MCF2L: variants seen among roughly 807,000 people sequenced by gnomAD.
The protein encoded by MCF2L is guanine nucleotide exchange factor DBS.
A neutral mutation model predicts 153.4 loss-of-function variants in MCF2L; 97 were observed. That is an observed-to-expected ratio of 0.63 (90% confidence interval 0.54 to 0.75). The LOEUF (loss-of-function observed/expected upper bound fraction) is 0.75, where lower values mean the gene tolerates loss of function less well. MCF2L is among the 30% of genes least tolerant of loss of function. MCF2L has a pLI of 0.00. For missense variants in MCF2L, 1,347 were observed against 1,495.2 expected (o/e 0.90, Z 1.64); for synonymous variants, 659 against 632.2 (o/e 1.04, Z -0.64).
intron 1 of MCF2L, among the ~76,000 whole-genome samples, chr13:112,898,250 G>A (rs917937840): frequency 5.3e-5 from 8 of 152,200 alleles, no homozygotes; most frequent in East Asian, 1.9e-4. Flanking sequence ...TGTGGCCGAC[G>A]TAAAGTCCAC....
chr13:112,970,019 C>T (rs2081985322), intron 1 of MCF2L, among the ~76,000 whole-genome samples: 1 of 152,106 alleles, frequency 6.6e-6, no homozygotes, highest in Admixed American at 6.5e-5. Context: ...TTCAAATAAG[C>T]TTTGAAGAGT....
At chr13:113,020,900 ATGTGTGTATG>A (rs1426429077) in intron 2 of MCF2L, among the ~76,000 whole-genome samples, 1 of 128,252 alleles carries the variant, frequency 7.8e-6, no homozygotes, top group Non-Finnish European at 1.7e-5. Flanking sequence ...GTATGTGTAG[ATGTGTGTATG>A]TGTGTGTATG....
At chr13:113,023,493 G>A (rs536871432) in intron 2 of MCF2L, among the ~76,000 whole-genome samples, 1 of 152,150 alleles carries the variant, frequency 6.6e-6, no homozygotes, top group South Asian at 2.1e-4. Flanking sequence ...TGTGGGGGGC[G>A]CAAGGCGGCG....
chr13:113,021,722 G>A (rs374046067), intron 2 of MCF2L, among the ~76,000 whole-genome samples: 17 of 152,336 alleles, frequency 1.1e-4, no homozygotes, highest in East Asian at 3.9e-4. Flanking sequence ...CCAGCTCCGC[G>A]TCCAGCGGTG....
At chr13:113,067,227 T>C (rs1222279145) in intron 8 of MCF2L, among the ~76,000 whole-genome samples, 2 of 149,960 alleles carry the variant, frequency 1.3e-5, no homozygotes, top group Non-Finnish European at 3.0e-5. Context: ...GAGGTCGCAG[T>C]GAGCCGAGAT....
At chr13:112,924,900 G>T (rs2081387595) in intron 2 of MCF2L, among the ~76,000 whole-genome samples, 1 of 152,204 alleles carries the variant, frequency 6.6e-6, no homozygotes, top group Non-Finnish European at 1.5e-5. Context: ...GAATGGAACA[G>T]AATAAAAATC....
chr13:112,985,561 G>T, intron 1 of MCF2L: 2 of 438,898 alleles, frequency 4.6e-6, no homozygotes, highest in South Asian at 3.2e-5. Flanking sequence ...AGGCAGCATG[G>T]AGGTGCCCTC....
At chr13:113,091,036 G>A (rs989221766) in intron 26 of MCF2L, 45 of 1,291,244 alleles carry the variant, frequency 3.5e-5, no homozygotes, top group Non-Finnish European at 3.7e-5. Flanking sequence ...CTTCCAGCAC[G>A]AGCGCGGGTC....
Position 112,951,397 on chromosome 13 carries a change from G to A in MCF2L, c.169+49026G>A, listed in dbSNP as rs2081691962. ...AAAATTTATGTGCACATAAATACAG[G>A]CATATGAATGTTTATATTCGTTTAT... is the stretch of plus-strand genomic sequence containing the variant. On this transcript the variant is annotated intron_variant, in intron 2 of 29. Transcript: ENST00000375608. This position sits in a 1 kb window ranked among gnomAD's most constrained non-coding sequence, Gnocchi z 4.8. Among the ~76,000 whole-genome samples the A allele has an allele frequency of 6.6e-6, 1 of 152,124 alleles. No homozygotes were observed.
chr13:113,094,456 C>T (rs2035477564), intron 26 of MCF2L, 58 bp from the exon 27 acceptor site: 1 of 1,551,072 alleles, frequency 6.4e-7, no homozygotes, highest in Non-Finnish European at 8.7e-7. Flanking sequence ...CCACCTCAGA[C>T]AGATGCAGAC....
At chr13:112,982,397 A>C (rs929128761) in intron 1 of MCF2L, among the ~76,000 whole-genome samples, 1 of 152,190 alleles carries the variant, frequency 6.6e-6, no homozygotes, top group Non-Finnish European at 1.5e-5. Context: ...TGCGGACTGC[A>C]GGAAGCCACA....
At chr13:113,057,231 AGTGGGTGCT>A (rs2030159801) in intron 4 of MCF2L, among the ~76,000 whole-genome samples, 1 of 93,812 alleles carries the variant, frequency 1.1e-5, no homozygotes, top group African/African-American at 4.4e-5. Flanking sequence ...TTGGGTACTG[AGTGGGTGCT>A]GTGTTTAGGT....
intron 16 of MCF2L, 150 bp downstream of exon 16, chr13:113,081,429 C>CGGGG: frequency 1.3e-6 from 1 of 743,440 alleles, no homozygotes; most frequent in Non-Finnish European, 2.2e-6. Context: ...GGGCCCCAGA[C>CGGGG]GGGGAGCCCC....
intron 1 of MCF2L, among the ~76,000 whole-genome samples, chr13:112,896,988 A>T (rs2081073831): frequency 6.6e-6 from 1 of 152,232 alleles, no homozygotes; most frequent in Non-Finnish European, 1.5e-5. Context: ...GGGGCCATGC[A>T]GGCTGAGAGC....
rs752492983 is a variant in MCF2L, at chr13:112,975,594, C to T, written c.79+6136C>T. Among the ~76,000 whole-genome samples, 104 of 152,030 alleles carry T rather than the reference C, an allele frequency of 6.8e-4. 1 individual carries two copies. Among genetic ancestry groups the T allele is most frequent in the Non-Finnish European group, 1.2e-3 (81 of 67,814 alleles). On this transcript the variant is annotated intron_variant, in intron 1 of 29. Coordinates refer to ENST00000535094, the MANE Select transcript of MCF2L (RefSeq NM_001112732.3). ...GGTCACTTGTGCACATGGTCAGTGC[C>T]GGCGGGTACCCGCCATGAGCACCTG...
upstream of MCF2L, chr13:112,965,584 G>A (rs957881321): frequency 6.6e-6 from 1 of 152,192 alleles, no homozygotes; most frequent in African/African-American, 2.4e-5. Context: ...CCCCTCCCAA[G>A]ACATGGAGTG....
chr13:112,903,350 G>T (rs186726699), intron 2 of MCF2L, among the ~76,000 whole-genome samples: 13 of 152,306 alleles, frequency 8.5e-5, no homozygotes, highest in Non-Finnish European at 1.3e-4. Flanking sequence ...TGAGACTTTC[G>T]CATTCAGAGT....
chr13:113,075,984 G>C lies in MCF2L; in HGVS notation c.1327G>C (p.Glu443Gln). 1 of 1,610,534 alleles carries C rather than the reference G, an allele frequency of 6.2e-7. No homozygotes were observed. ...TTTCCAGTCCATGAAGTGGTGTGATGAAGGGATTTACCTGCTGGCCTCACA... is the reference window on the plus strand; with the variant it reads ...TTTCCAGTCCATGAAGTGGTGTGATCAAGGGATTTACCTGCTGGCCTCACA... ...RLETSMKWCD[E>Q]GIYLLASQPV... Residue 443 changes from glutamate (E) to glutamine (Q), a missense_variant, in exon 12 of 30, where the codon GAA (glutamate) becomes CAA (glutamine). This residue lies in a region of MCF2L where 820 missense variants were observed against 921.2 expected (regional missense o/e 0.89). Coordinates refer to ENST00000535094, the MANE Select transcript of MCF2L (RefSeq NM_001112732.3).
intron 26 of MCF2L, 57 bp downstream of exon 26, chr13:113,089,785 G>A: frequency 6.3e-7 from 1 of 1,598,924 alleles, no homozygotes; most frequent in Non-Finnish European, 8.6e-7. Flanking sequence ...GCTGCTCACG[G>A]AGTGCTCACT....
Sources: gnomAD v4.1 joint callset for allele counts (sites outside exome capture counted in the v4.1 genomes callset) on GRCh38, gnomAD v4.1.1 for gene constraint, gnomAD v4.1.1 regional missense constraint, Gnocchi (gnomAD v3.1) non-coding constraint, MANE v1.5 for transcripts, NCBI Gene and HGNC (gene_info 2026-07-23, HGNC 2026-07-21) for gene names.